The following CSAD variants were observed in gnomAD, a reference collection of about 807,000 sequenced individuals.
The protein encoded by CSAD is cysteine sulfinic acid decarboxylase.
A neutral mutation model predicts 61.5 loss-of-function variants in CSAD; 47 were observed. The ratio of observed to expected loss-of-function variants is 0.76; its 90% CI spans 0.60 to 0.97. The LOEUF is 0.97. Ranked by LOEUF, CSAD falls within the 50% of genes least tolerant of loss-of-function variation. CSAD has a pLI of 0.00. For synonymous variants in CSAD, 245 were observed against 252.7 expected, an observed-to-expected ratio of 0.97 and a Z score of 0.29; for missense variants, 611 against 643.6, an observed-to-expected ratio of 0.95 and a Z score of 0.55.
Position 53,172,368 on chromosome 12 carries a change from T to C in CSAD, c.322A>G (p.Thr108Ala). 6.2e-7 allele frequency: 1 copy of C among 1,614,018 alleles called. No individual in the cohort carries two copies. The highest frequency in any genetic ancestry group is 8.5e-7 in the Non-Finnish European group (1 of 1,179,982). The change falls in exon 6 of 17, where the codon ACT (threonine) becomes GCT (alanine). Residue 108 changes from threonine (T) to alanine (A), a missense_variant. Coordinates refer to ENST00000444623, the MANE Select transcript of CSAD (RefSeq NM_001244705.2). ...CACTGGCTGGTGTTGAGGCTCTCAG[T>C]GATAATGCGCCCGGCCAGAGCATGG... ...DPHALAGRII[T>A]ESLNTSQYTY...
intron 10 of CSAD, among the ~76,000 whole-genome samples, chr12:53,165,131 G>C (rs1939747420): frequency 6.6e-6 from 1 of 151,986 alleles, no homozygotes; most frequent in Non-Finnish European, 1.5e-5. Context: ...GACCAGCCTG[G>C]GCAGCACAGC....
chr12:53,164,726 A>C (rs1291967057), intron 10 of CSAD: 1 of 152,238 alleles, frequency 6.6e-6, no homozygotes, highest in Admixed American at 6.5e-5. Context: ...TGAATCCAAA[A>C]TAAAAGTTTC....
chr12:53,170,553 G>A (rs749167631), intron 8 of CSAD, 51 bp from the exon 9 acceptor site: 2 of 1,446,790 alleles, frequency 1.4e-6, no homozygotes, highest in Non-Finnish European at 9.7e-7. Context: ...GGGGAGGGGA[G>A]AGAAGGTAAA....
At chr12:53,158,786 C>G in intron 16 of CSAD, 102 bp from the exon 17 acceptor site, 2 of 1,101,504 alleles carry the variant, frequency 1.8e-6, no homozygotes, top group Admixed American at 4.5e-5. Context: ...TTCCTTCCCA[C>G]CCAGCCACCT....
intron 10 of CSAD, among the ~76,000 whole-genome samples, chr12:53,168,913 C>T (rs915688966): frequency 6.6e-6 from 1 of 152,194 alleles, no homozygotes; most frequent in African/African-American, 2.4e-5. Context: ...GGCATGGTGG[C>T]TCACGCCTAT....
intron 8 of CSAD, chr12:53,170,727 T>G: frequency 3.7e-6 from 2 of 545,260 alleles, no homozygotes; most frequent in Non-Finnish European, 6.6e-6. Flanking sequence ...TGTTTGTTTT[T>G]TTTTTTTTTG....
chr12:53,171,669 G>C, intron 7 of CSAD: 2 of 620,696 alleles, frequency 3.2e-6, no homozygotes, highest in South Asian at 4.1e-5. Context: ...CCCCCGTCCG[G>C]AGATAGCAGG....
intron 16 of CSAD, 117 bp from the exon 17 acceptor site, chr12:53,158,801 G>A: frequency 1.1e-6 from 1 of 908,336 alleles, no homozygotes; most frequent in Admixed American, 2.4e-5. Flanking sequence ...CCACCTTCTG[G>A]GGGTAGCACA....
At chr12:53,160,702 G>A (rs1201002226) in intron 13 of CSAD, 61 bp downstream of exon 13, 2 of 1,374,664 alleles carry the variant, frequency 1.5e-6, no homozygotes, top group Non-Finnish European at 1.0e-6. Flanking sequence ...TCTAAGGTGG[G>A]ATAGAGAAGG....
chr12:53,171,269 T>C (rs1355773214), intron 8 of CSAD, 57 bp downstream of exon 8: 12 of 1,611,720 alleles, frequency 7.4e-6, no homozygotes, highest in Non-Finnish European at 9.3e-6. Context: ...GGTCTCTACT[T>C]AGCTGGCTGG....
At chr12:53,175,278 C>A (rs1941018593) in intron 2 of CSAD, among the ~76,000 whole-genome samples, 1 of 152,184 alleles carries the variant, frequency 6.6e-6, no homozygotes, top group South Asian at 2.1e-4. Context: ...AAAGACTCAG[C>A]AGGAGTCATT....
At position 53,159,657 on chromosome 12, in the gene CSAD, T is replaced by C; in HGVS notation, c.1274A>G (p.Gln425Arg). ...WFVPPSLRGK[Q>R]ESPDYHERLS... ...CCTTTCGTGGTAATCTGGACTCTCC[T>C]GCTTCCCTCGCAGGCTGGGGGGTAC... Residue 425 changes from glutamine to arginine, a missense_variant, in exon 16 of 17, where the codon CAG (glutamine) becomes CGG (arginine). Transcript: ENST00000444623. 6.2e-7 allele frequency: 1 copy of C among 1,611,940 alleles called. No individual in the cohort carries two copies. Among genetic ancestry groups the C allele is most frequent in the Non-Finnish European group, 8.5e-7 (1 of 1,179,144 alleles).
intron 2 of CSAD, among the ~76,000 whole-genome samples, chr12:53,178,706 A>T (rs539802760): frequency 6.6e-6 from 1 of 151,716 alleles, no homozygotes; most frequent in Admixed American, 6.6e-5. Flanking sequence ...AATTGCTTGA[A>T]CCTGGGAGGT....
In CSAD at chr12:53,159,683, G is replaced by C. The variant is rs1939021729; in HGVS notation, c.1248C>G (p.Phe416Leu). Reference protein sequence around the residue: ...EPEFVNVCFWFVPPSLRGKQE... With the variant: ...EPEFVNVCFWLVPPSLRGKQE... ...GCTTCCCTCGCAGGCTGGGGGGTAC[G>C]AACCAGAAACACACATTGACAAACT... Residue 416 changes from phenylalanine to leucine, a missense_variant, in exon 16 of 17, where the codon TTC becomes TTG. Transcript: ENST00000444623. The C allele has an allele frequency of 6.2e-7, 1 of 1,611,094 alleles. No homozygotes were observed. Among genetic ancestry groups the C allele is most frequent in the African/African-American group, 1.3e-5 (1 of 74,912 alleles).
rs1555168828 is a variant in CSAD, at chr12:53,160,210, C to CG, written c.1075dup (p.Arg359ProfsTer44). On this transcript the variant is annotated frameshift_variant, in exon 14 of 17. Transcript: ENST00000444623. LOFTEE classifies it high-confidence loss of function. ...GAGCCACAGCTTCAGACAGTCCACA[C>CG]GGCGGCCACACTGCACCACCTTGTC... 1 of 1,614,200 alleles carries CG rather than the reference C, an allele frequency of 6.2e-7. No individual in the cohort carries two copies.
Position 53,179,802 on chromosome 12 carries a change from T to C in CSAD, c.-90-660A>G, listed in dbSNP as rs199626180. On this transcript the variant is annotated intron_variant, in intron 1 of 16. Transcript: ENST00000444623. The stretch of plus-strand genomic sequence containing the variant: ...AGCAGAAATGAGGACTTCAGTGGAA[T>C]TGACATCTCCTTCCATCAAGCGCAT... 5.6e-5 allele frequency: 91 copies of C among 1,613,698 alleles called. No individual in the cohort carries two copies. Among genetic ancestry groups the C allele is most frequent in the African/African-American group, 5.3e-4 (40 of 74,974 alleles).
chr12:53,162,134 G>A (rs932080404), intron 10 of CSAD, among the ~76,000 whole-genome samples: 38 of 151,960 alleles, frequency 2.5e-4, no homozygotes, highest in Non-Finnish European at 8.8e-5. Context: ...GGTGGTGCAC[G>A]CCTGTAATCC....
At chr12:53,171,264 C>T (rs777154369) in intron 8 of CSAD, 62 bp downstream of exon 8, 1 of 1,610,530 alleles carries the variant, frequency 6.2e-7, no homozygotes, top group African/African-American at 1.3e-5. Flanking sequence ...TGGAAGGTCT[C>T]TACTTAGCTG....
intron 16 of CSAD, 110 bp downstream of exon 16, chr12:53,159,513 C>G (rs1240386657): frequency 2.3e-6 from 2 of 856,682 alleles, no homozygotes; most frequent in Non-Finnish European, 3.7e-6. Context: ...CGCCTCAGAG[C>G]AAGAGACCAG....
Sources: allele counts gnomAD v4.1 joint callset (sites outside exome capture counted in the v4.1 genomes callset), GRCh38; gene constraint gnomAD v4.1.1; transcripts MANE v1.5; gene names NCBI Gene and HGNC (gene_info 2026-07-23, HGNC 2026-07-21).